Variants in HCRTR2 observed in about 807,000 individuals in gnomAD.
The protein encoded by HCRTR2 is hypocretin receptor 2, also known as orexin receptor type 2.
In HCRTR2, 22 loss-of-function variants were observed where a neutral mutation model predicts 49.0. That is an observed-to-expected ratio of 0.45 (90% CI 0.32 to 0.64). The LOEUF (loss-of-function observed/expected upper bound fraction) is 0.64. Among genes scored for constraint, HCRTR2 ranks in the 30% least tolerant of loss-of-function variants. The pLI is 0.04. For synonymous variants in HCRTR2, 236 were observed against 205.3 expected (o/e 1.15, Z -1.28); for missense variants, 491 against 559.4 (o/e 0.88, Z 1.23).
At chr6:55,266,429 A>G (rs1464209395) in intron 4 of HCRTR2, among the ~76,000 whole-genome samples, 1 of 152,164 alleles carries the variant, frequency 6.6e-6, no homozygotes, top group African/African-American at 2.4e-5. Flanking sequence ...GACATAGAGA[A>G]TCTATTGCCC....
intron 1 of HCRTR2, among the ~76,000 whole-genome samples, chr6:55,192,060 ATT>A (rs891516581): frequency 1.3e-5 from 2 of 152,008 alleles, no homozygotes; most frequent in Non-Finnish European, 2.9e-5. Flanking sequence ...GTAAGTCTAA[ATT>A]TTTTTTCTAT....
intron 1 of HCRTR2, chr6:55,240,791 C>T (rs866880225): frequency 4.0e-5 from 17 of 425,790 alleles, no homozygotes; most frequent in Admixed American, 3.9e-4. Flanking sequence ...ATTCCATGAC[C>T]TGTTTCAAGG....
At chr6:55,251,727 C>A (rs1766554299) in intron 2 of HCRTR2, among the ~76,000 whole-genome samples, 1 of 151,934 alleles carries the variant, frequency 6.6e-6, no homozygotes, top group Admixed American at 6.6e-5. Context: ...TTTAAGATAC[C>A]TTTGCCGTAT....
chr6:55,214,315 G>T (rs1347785876), intron 1 of HCRTR2, among the ~76,000 whole-genome samples: 1 of 152,036 alleles, frequency 6.6e-6, no homozygotes, highest in Non-Finnish European at 1.5e-5. Flanking sequence ...GACTGGGTGA[G>T]GTGGTTTTTG....
chr6:55,272,318 G>C (rs1766988415), intron 4 of HCRTR2, among the ~76,000 whole-genome samples: 1 of 152,030 alleles, frequency 6.6e-6, no homozygotes, highest in African/African-American at 2.4e-5. Context: ...CAAATATATA[G>C]AGCCAAAATA....
At chr6:55,190,550 A>G (rs1435784828) in intron 1 of HCRTR2, among the ~76,000 whole-genome samples, 1 of 152,198 alleles carries the variant, frequency 6.6e-6, no homozygotes, top group African/African-American at 2.4e-5. Context: ...AATACATCCA[A>G]TATTTATAAC....
chr6:55,253,415 T>C, intron 2 of HCRTR2, among the ~76,000 whole-genome samples: 1 of 152,230 alleles, frequency 6.6e-6, no homozygotes, highest in African/African-American at 2.4e-5. Flanking sequence ...AGAAAGGTCC[T>C]CATGTAAAAG....
At chr6:55,139,096 A>G (rs1445338086) in intron 1 of HCRTR2, among the ~76,000 whole-genome samples, 1 of 152,192 alleles carries the variant, frequency 6.6e-6, no homozygotes, top group African/African-American at 2.4e-5. Flanking sequence ...AACCCAAGGT[A>G]GGAATGGCCT....
chr6:55,143,982 A>G (rs1003259932), intron 1 of HCRTR2, among the ~76,000 whole-genome samples: 5 of 152,132 alleles, frequency 3.3e-5, no homozygotes, highest in African/African-American at 1.2e-4. Flanking sequence ...TAGAAGTCAC[A>G]TATTAGTCAT....
At chr6:55,159,022 C>G (rs1004364073) in intron 1 of HCRTR2, among the ~76,000 whole-genome samples, 8 of 152,162 alleles carry the variant, frequency 5.3e-5, no homozygotes, top group Non-Finnish European at 1.2e-4. Context: ...AGACACCGCA[C>G]AGCAAGGGTC....
intron 1 of HCRTR2, among the ~76,000 whole-genome samples, chr6:55,133,287 C>A (rs1443598891): frequency 6.6e-6 from 1 of 151,618 alleles, no homozygotes; most frequent in African/African-American, 2.4e-5. Context: ...CATTTTTATG[C>A]ATGCAAAATT....
At chr6:55,168,185 T>A (rs1581804299) in intron 1 of HCRTR2, among the ~76,000 whole-genome samples, 1 of 152,080 alleles carries the variant, frequency 6.6e-6, no homozygotes, top group East Asian at 1.9e-4. Context: ...AAAACAAATA[T>A]CTTTATCTCA....
At position 55,159,033 on chromosome 6, in the gene HCRTR2, G is replaced by A. The variant is rs777437850; in HGVS notation, c.-377-15178G>A. ...TGGGAGACACCGCACAGCAAGGGTC[G>A]ACAGACACCTCATACAGGAGAGCTC... On this transcript the variant is annotated intron_variant, in intron 1 of 7. Transcript: ENST00000615358. 7.2e-5 allele frequency among the ~76,000 whole-genome samples: 11 copies of A among 152,150 alleles called. No individual in the cohort carries two copies. The East Asian group carries it at 7.7e-4, about 11-fold the overall frequency.
chr6:55,220,199 C>T (rs1454718939), intron 1 of HCRTR2, among the ~76,000 whole-genome samples: 1 of 152,128 alleles, frequency 6.6e-6, no homozygotes, highest in Non-Finnish European at 1.5e-5. Context: ...TTTTATGAGT[C>T]CAGCATTTTC....
chr6:55,151,637 T>G (rs893677083), intron 1 of HCRTR2, among the ~76,000 whole-genome samples: 5 of 152,008 alleles, frequency 3.3e-5, no homozygotes, highest in African/African-American at 1.2e-4. Flanking sequence ...AAACTCCTGT[T>G]AATGTTGATA....
At chr6:55,234,494 C>A (rs930576681) in intron 1 of HCRTR2, among the ~76,000 whole-genome samples, 1 of 152,050 alleles carries the variant, frequency 6.6e-6, no homozygotes, top group Non-Finnish European at 1.5e-5. Context: ...AGATTTAAAT[C>A]AAGTTTATTA....
At chr6:55,163,557 A>G (rs1230859097) in intron 1 of HCRTR2, among the ~76,000 whole-genome samples, 1 of 152,212 alleles carries the variant, frequency 6.6e-6, no homozygotes, top group Non-Finnish European at 1.5e-5. Flanking sequence ...TGTTGTTGCG[A>G]AAACTGGCTA....
chr6:55,128,154 C>A (rs1385367666), intron 1 of HCRTR2, among the ~76,000 whole-genome samples: 3 of 152,096 alleles, frequency 2.0e-5, no homozygotes, highest in Non-Finnish European at 4.4e-5. Flanking sequence ...GGCTAGTTAT[C>A]CCAGCACCAT....
intron 1 of HCRTR2, among the ~76,000 whole-genome samples, chr6:55,212,294 T>C (rs1765710491): frequency 6.6e-6 from 1 of 152,170 alleles, no homozygotes; most frequent in African/African-American, 2.4e-5. Context: ...GTAAACATGG[T>C]TAGATAACTA....
Sources: allele counts gnomAD v4.1 joint callset (sites outside exome capture counted in the v4.1 genomes callset), GRCh38; gene constraint gnomAD v4.1.1; transcripts MANE v1.5; gene names NCBI Gene and HGNC (gene_info 2026-07-23, HGNC 2026-07-21).